Variants in WWOX observed in about 807,000 individuals in gnomAD.
The protein encoded by WWOX is WW domain containing oxidoreductase.
In WWOX, 69 loss-of-function variants were observed where a neutral mutation model predicts 46.2. That is an observed-to-expected ratio of 1.49 (90% CI 1.23 to 1.82). The LOEUF (loss-of-function observed/expected upper bound fraction) is 1.82, where lower values mean the gene tolerates loss of function less well. WWOX is among the 40% of genes most tolerant of loss of function. WWOX has a pLI of 0.00. For missense variants in WWOX, 919 were observed against 542.6 expected, an observed-to-expected ratio of 1.69 and a Z score of -6.89; for synonymous variants, 359 against 202.6, an observed-to-expected ratio of 1.77 and a Z score of -6.56.
At chr16:78,891,279 A>C (rs974101603) in intron 8 of WWOX, 1 of 152,162 alleles carries the variant, frequency 6.6e-6, no homozygotes, top group Admixed American at 6.6e-5. Context: ...ATCTCAGCCT[A>C]GTGCTTTCAA....
In WWOX at chr16:78,099,830, C is replaced by G. The variant is rs776553279; in HGVS notation, c.52C>G (p.Leu18Val). The G allele has an allele frequency of 2.5e-5, 40 of 1,581,926 alleles. No homozygotes were observed. Among genetic ancestry groups the G allele is most frequent in the Admixed American group, 9.0e-5 (5 of 55,266 alleles). ...GLDDTDSEDELPPGWEERTTK... is the reference protein window; with the variant it reads ...GLDDTDSEDEVPPGWEERTTK... ...GGACGACACGGACAGTGAGGACGAG[C>G]TGCCTCCGGGCTGGGAGGAGAGAAC... is the stretch of plus-strand genomic sequence containing the variant. Residue 18 changes from leucine to valine, a missense_variant, in exon 1 of 9, where the codon CTG becomes GTG. Leu to Val is a conservative substitution (Grantham distance 32). Coordinates refer to ENST00000566780, the MANE Select transcript of WWOX (RefSeq NM_016373.4).
chr16:78,257,701 G>T (rs1055723780), intron 5 of WWOX, among the ~76,000 whole-genome samples: 10 of 151,956 alleles, frequency 6.6e-5, no homozygotes, highest in African/African-American at 2.2e-4. Context: ...AGAAAAATTA[G>T]ATCCCAGATT....
intron 8 of WWOX, among the ~76,000 whole-genome samples, chr16:78,747,910 G>T (rs1474239259): frequency 2.0e-5 from 3 of 152,210 alleles, no homozygotes; most frequent in African/African-American, 7.2e-5. Context: ...CATGCTCTTG[G>T]ATGCCTGAGT....
intron 8 of WWOX, among the ~76,000 whole-genome samples, chr16:78,743,127 T>G (rs2049270871): frequency 6.6e-6 from 1 of 151,950 alleles, no homozygotes; most frequent in East Asian, 1.9e-4. Context: ...GACACTTGAG[T>G]GTCTTTCTCT....
intron 6 of WWOX, among the ~76,000 whole-genome samples, chr16:78,392,583 T>C (rs2082199348): frequency 6.6e-6 from 1 of 152,090 alleles, no homozygotes; most frequent in South Asian, 2.1e-4. Flanking sequence ...CCAAAAAAAT[T>C]TGGAAACCTC....
At chr16:79,047,376 C>G (rs2048084980) in intron 8 of WWOX, among the ~76,000 whole-genome samples, 2 of 152,148 alleles carry the variant, frequency 1.3e-5, no homozygotes, top group South Asian at 2.1e-4. Flanking sequence ...TTGACAAGGC[C>G]AGAAATAGAC....
chr16:78,252,836 C>G (rs760122432), intron 5 of WWOX, among the ~76,000 whole-genome samples: 1 of 152,176 alleles, frequency 6.6e-6, no homozygotes, highest in African/African-American at 2.4e-5. Context: ...ATTTCTCCCT[C>G]GGCTTCAGCA....
At chr16:78,862,727 G>C (rs1239785531) in intron 8 of WWOX, among the ~76,000 whole-genome samples, 1 of 152,074 alleles carries the variant, frequency 6.6e-6, no homozygotes, top group Non-Finnish European at 1.5e-5. Flanking sequence ...GGCATAGAGA[G>C]GCAATTCTTT....
chr16:78,332,663 GAT>G (rs1309180446), intron 5 of WWOX, among the ~76,000 whole-genome samples: 3 of 152,110 alleles, frequency 2.0e-5, no homozygotes, highest in African/African-American at 7.2e-5. Flanking sequence ...ATTGTGATTG[GAT>G]ATGATAATCT....
intron 5 of WWOX, among the ~76,000 whole-genome samples, chr16:78,289,665 C>T (rs1011982595): frequency 1.3e-5 from 2 of 152,204 alleles, no homozygotes; most frequent in Admixed American, 6.5e-5. Context: ...AGTTTATATA[C>T]ACAGATTCCA....
chr16:78,306,836 C>G (rs1293495077), intron 5 of WWOX, among the ~76,000 whole-genome samples: 2 of 151,942 alleles, frequency 1.3e-5, no homozygotes, highest in East Asian at 1.9e-4. Context: ...AAATCTCACT[C>G]CTTCCCACAA....
intron 8 of WWOX, among the ~76,000 whole-genome samples, chr16:79,058,600 CT>C (rs2048307482): frequency 6.6e-6 from 1 of 152,030 alleles, no homozygotes; most frequent in African/African-American, 2.4e-5. Flanking sequence ...ATAACTTGAC[CT>C]TTATGAAGCT....
At chr16:78,443,103 T>C (rs1429832182) in intron 8 of WWOX, among the ~76,000 whole-genome samples, 2 of 127,196 alleles carry the variant, frequency 1.6e-5, no homozygotes, top group Non-Finnish European at 3.1e-5. Flanking sequence ...ACCACTGCAC[T>C]CCAGCCTGCG....
chr16:78,277,887 A>G (rs1231573792), intron 5 of WWOX, among the ~76,000 whole-genome samples: 9 of 152,184 alleles, frequency 5.9e-5, no homozygotes, highest in Admixed American at 5.9e-4. Context: ...TCATAGCACA[A>G]CCTTTGCTAA....
At chr16:78,497,095 T>A (rs2084935682) in intron 8 of WWOX, among the ~76,000 whole-genome samples, 1 of 152,238 alleles carries the variant, frequency 6.6e-6, no homozygotes, top group African/African-American at 2.4e-5. Flanking sequence ...ATTGTATGCC[T>A]TTTGCTTTGG....
chr16:78,882,888 G>A (rs2044373525), intron 8 of WWOX, among the ~76,000 whole-genome samples: 4 of 151,688 alleles, frequency 2.6e-5, no homozygotes, highest in South Asian at 2.1e-4. Flanking sequence ...CTGCTTGGTC[G>A]AGTGACACAA....
intron 8 of WWOX, among the ~76,000 whole-genome samples, chr16:78,828,809 G>A (rs945045918): frequency 6.6e-6 from 1 of 152,136 alleles, no homozygotes; most frequent in South Asian, 2.1e-4. Context: ...CAGCTGGATT[G>A]GAAACTATGT....
At chr16:78,601,732 A>G (rs567009014) in intron 8 of WWOX, among the ~76,000 whole-genome samples, 1 of 152,342 alleles carries the variant, frequency 6.6e-6, no homozygotes, top group Admixed American at 6.5e-5. Flanking sequence ...TCTGGAAGGA[A>G]CAAAGGATTA....
chr16:78,905,809 C>G lies in WWOX; in HGVS notation c.1057-305799C>G, dbSNP rs546168286. 1.3e-3 allele frequency among the ~76,000 whole-genome samples: 192 copies of G among 152,272 alleles called. 1 individual carries two copies. The highest frequency in any genetic ancestry group is 4.3e-3 in the African/African-American group (180 of 41,546). ...AAAACCAACTTCTTAGAACCATGAG[C>G]TAAGGGGGAATCTGGATTTCAAATG... On this transcript the variant is annotated intron_variant, in intron 8 of 8. Coordinates refer to ENST00000566780, the MANE Select transcript of WWOX (RefSeq NM_016373.4).
Sources: allele counts gnomAD v4.1 joint callset (sites outside exome capture counted in the v4.1 genomes callset), GRCh38; gene constraint gnomAD v4.1.1; transcripts MANE v1.5; gene names NCBI Gene and HGNC (gene_info 2026-07-23, HGNC 2026-07-21).